Variants in MARCHF1 observed in about 807,000 individuals in gnomAD.
The protein encoded by MARCHF1 is E3 ubiquitin-protein ligase MARCHF1.
A neutral mutation model predicts 54.2 loss-of-function variants in MARCHF1; 40 were observed. The ratio of observed to expected loss-of-function variants is 0.74; its 90% CI spans 0.57 to 0.96. MARCHF1 has a LOEUF of 0.96. Ranked by LOEUF, MARCHF1 falls within the 40% of genes least tolerant of loss-of-function variation. MARCHF1 has a pLI of 0.00. For synonymous variants in MARCHF1, 236 were observed against 236.3 expected, an observed-to-expected ratio of 1.00 and a Z score of 0.01; for missense variants, 586 against 656.5, an observed-to-expected ratio of 0.89 and a Z score of 1.17.
At chr4:164,196,779 A>G (rs1275556644) in intron 1 of MARCHF1, among the ~76,000 whole-genome samples, 1 of 152,130 alleles carries the variant, frequency 6.6e-6, no homozygotes, top group East Asian at 1.9e-4. Context: ...ATTTGGCAGT[A>G]AAAATAGTAT....
rs1279718845 is a variant in MARCHF1 at position 163,795,933 on chromosome 4, G to C, written c.111+58088C>G. ...TGGTATCTTACAATAAAGTAAGCTA[G>C]AGAAAATAAAATGTTATTAAGAAAA... On this transcript the variant is annotated intron_variant, in intron 4 of 9. Transcript: ENST00000514618. Among the ~76,000 whole-genome samples, 7 of 152,238 alleles carry C rather than the reference G, an allele frequency of 4.6e-5. No individual in the cohort carries two copies. In the South Asian group the frequency reaches 1.5e-3, roughly 32 times the overall value.
intron 8 of MARCHF1, among the ~76,000 whole-genome samples, chr4:163,577,179 G>A (rs751492376): frequency 1.4e-4 from 21 of 151,918 alleles, no homozygotes; most frequent in Non-Finnish European, 2.7e-4. Flanking sequence ...TGCTTTGTAG[G>A]ACTACGTACT....
At chr4:164,138,697 G>A (rs1756456682) in intron 1 of MARCHF1, among the ~76,000 whole-genome samples, 1 of 152,134 alleles carries the variant, frequency 6.6e-6, no homozygotes, top group Non-Finnish European at 1.5e-5. Context: ...ATCTCATGAG[G>A]GCTAAGAACT....
chr4:164,306,552 T>C (rs17044889), intron 1 of MARCHF1, among the ~76,000 whole-genome samples: 1,658 of 152,256 alleles, frequency 0.011, 30 homozygotes, highest in African/African-American at 0.038. Flanking sequence ...GTCACGTGAG[T>C]TCAGCCTACC....
intron 4 of MARCHF1, among the ~76,000 whole-genome samples, chr4:163,836,214 AATTTATTTATTTATTTATTT>A (rs66939546): frequency 1.8e-3 from 253 of 137,976 alleles, no homozygotes; most frequent in African/African-American, 3.4e-3. Flanking sequence ...TGGTAGTTGC[AATTTATTTATTTATTTATTT>A]ATTTATTTAT....
chr4:164,251,249 G>C (rs1232960484), intron 1 of MARCHF1, among the ~76,000 whole-genome samples: 1 of 151,880 alleles, frequency 6.6e-6, no homozygotes, highest in South Asian at 2.1e-4. Context: ...TTTTTCTAAC[G>C]TTCAAAGGCA....
intron 5 of MARCHF1, among the ~76,000 whole-genome samples, chr4:163,674,875 A>G (rs1355283599): frequency 6.6e-6 from 1 of 152,228 alleles, no homozygotes; most frequent in African/African-American, 2.4e-5. Context: ...GAAATAAAGA[A>G]CATAATAGAA....
At chr4:163,978,376 T>A (rs1188471240) in intron 3 of MARCHF1, among the ~76,000 whole-genome samples, 17 of 152,344 alleles carry the variant, frequency 1.1e-4, no homozygotes, top group East Asian at 1.9e-4. Context: ...ACAGTCAACA[T>A]AGGGAATTGA....
chr4:164,226,829 A>G (rs780574932), intron 1 of MARCHF1, among the ~76,000 whole-genome samples: 3 of 152,038 alleles, frequency 2.0e-5, no homozygotes, highest in Non-Finnish European at 2.9e-5. Flanking sequence ...TTTTTTACCC[A>G]TAACAGCTGA....
chr4:164,327,003 G>A (rs1298932413), intron 1 of MARCHF1, among the ~76,000 whole-genome samples: 1 of 149,656 alleles, frequency 6.7e-6, no homozygotes, highest in African/African-American at 2.5e-5. Context: ...GTGTGTGTAT[G>A]ACTTAGAACA....
intron 2 of MARCHF1, among the ~76,000 whole-genome samples, chr4:164,099,140 TAAAC>T (rs761914320): frequency 1.1e-4 from 16 of 152,320 alleles, no homozygotes; most frequent in Non-Finnish European, 1.5e-4. Context: ...CTCAGCTGCA[TAAAC>T]AAACAGTCTG....
At chr4:163,679,616 C>CT (rs553157232) in intron 5 of MARCHF1, among the ~76,000 whole-genome samples, 51,374 of 144,080 alleles carry the variant, frequency 0.36, 9,821 homozygotes, top group Non-Finnish European at 0.46. Flanking sequence ...ATCTCCAATT[C>CT]TTTTTTTTTT....
At chr4:163,985,099 A>T (rs1428356971) in intron 3 of MARCHF1, among the ~76,000 whole-genome samples, 1 of 152,122 alleles carries the variant, frequency 6.6e-6, no homozygotes, top group Non-Finnish European at 1.5e-5. Flanking sequence ...ACATATATAC[A>T]GTCTCCAAGT....
At chr4:163,618,279 C>T (rs981870707) in intron 5 of MARCHF1, among the ~76,000 whole-genome samples, 1 of 152,140 alleles carries the variant, frequency 6.6e-6, no homozygotes, top group Non-Finnish European at 1.5e-5. Flanking sequence ...TGTTTCTCTG[C>T]CCCAGGTCTT....
intron 2 of MARCHF1, among the ~76,000 whole-genome samples, chr4:164,098,456 G>C (rs922090989): frequency 6.6e-6 from 1 of 152,154 alleles, no homozygotes; most frequent in Non-Finnish European, 1.5e-5. Context: ...AAAATGTCAT[G>C]ATTCAATTCA....
intron 1 of MARCHF1, among the ~76,000 whole-genome samples, chr4:164,153,431 C>G (rs888659646): frequency 6.6e-6 from 1 of 152,030 alleles, no homozygotes; most frequent in Non-Finnish European, 1.5e-5. Context: ...TATATAAACA[C>G]AAGTTGTTAA....
rs187158439 is a variant in MARCHF1, at chr4:164,215,017, T to G, written c.-322-103355A>C. 5.0e-3 allele frequency among the ~76,000 whole-genome samples: 755 copies of G among 152,264 alleles called. 6 individuals are homozygous for G. The highest frequency in any genetic ancestry group is 0.013 in the African/African-American group (528 of 41,556). ...TGAATGTATACAGCTGAAGCCCCAG[T>G]GGGCATCTGTTACAGGCATGTTTTA... On this transcript the variant is annotated intron_variant, in intron 1 of 9. Coordinates refer to ENST00000514618, the MANE Select transcript of MARCHF1 (RefSeq NM_001394959.1).
intron 4 of MARCHF1, among the ~76,000 whole-genome samples, chr4:163,808,151 C>G (rs750911228): frequency 2.0e-5 from 3 of 152,194 alleles, no homozygotes; most frequent in Non-Finnish European, 4.4e-5. Flanking sequence ...TCCAACTAGG[C>G]AATGTAACTG....
intron 8 of MARCHF1, among the ~76,000 whole-genome samples, chr4:163,561,131 AC>A (rs1249515561): frequency 1.3e-5 from 2 of 152,192 alleles, no homozygotes; most frequent in Non-Finnish European, 2.9e-5. Context: ...TTAAAATGTA[AC>A]AATATATCAT....
Sources: allele counts gnomAD v4.1 joint callset (sites outside exome capture counted in the v4.1 genomes callset), GRCh38; gene constraint gnomAD v4.1.1; transcripts MANE v1.5; gene names NCBI Gene and HGNC (gene_info 2026-07-23, HGNC 2026-07-21).